Variants in ZNF502 observed in about 807,000 individuals in gnomAD.
The protein encoded by ZNF502 is zinc finger protein 502.
A neutral mutation model predicts 43.6 loss-of-function variants in ZNF502; 29 were observed. That is an observed-to-expected ratio of 0.67 (90% CI 0.50 to 0.91). The LOEUF is 0.91. Ranked by LOEUF, ZNF502 falls within the 40% of genes least tolerant of loss-of-function variation. The pLI, the probability that ZNF502 is intolerant of heterozygous loss-of-function variation, is 0.00. For synonymous variants in ZNF502, 171 were observed against 207.4 expected (o/e 0.82, Z 1.51); for missense variants, 591 against 647.2 (o/e 0.91, Z 0.94).
At chr3:44,716,481 C>T (rs368152561) in intron 1 of ZNF502, among the ~76,000 whole-genome samples, 80 of 152,288 alleles carry the variant, frequency 5.3e-4, no homozygotes, top group African/African-American at 1.8e-3. Context: ...TGAGCCACTG[C>T]GCCCAGCCGA....
In ZNF502 at chr3:44,716,759, G is replaced by A. The variant is rs184452796; in HGVS notation, c.-59-3444G>A. The stretch of plus-strand genomic sequence containing the variant: ...TGTAGCATTAAAGATAGATTTTCCA[G>A]TTTGATGTAAAAATTGATTCTTCAT... On this transcript the variant is annotated intron_variant, in intron 1 of 2. Coordinates refer to ENST00000436624, the MANE Select transcript of ZNF502 (RefSeq NM_001134442.3). 1.6e-4 allele frequency among the ~76,000 whole-genome samples: 25 copies of A among 152,242 alleles called. No homozygotes were observed. In the East Asian group the frequency reaches 4.1e-3, roughly 25 times the overall value.
rs1480522315 is a variant in ZNF502 at position 44,723,714 on chromosome 3, A to C, written c.*1262A>C. Reference sequence around the variant, plus strand: ...TTCATGTTCTTAACTGCTACCCAGAAATTGAGCTTCAGAAGATTGAGGATA... The same window carrying C: ...TTCATGTTCTTAACTGCTACCCAGACATTGAGCTTCAGAAGATTGAGGATA... On this transcript the variant is annotated 3_prime_UTR_variant, in exon 3 of 3. Transcript: ENST00000436624. 1 of 152,194 alleles carries C rather than the reference A, an allele frequency of 6.6e-6. No individual in the cohort carries two copies. Among genetic ancestry groups the C allele is most frequent in the Non-Finnish European group, 1.5e-5 (1 of 68,034 alleles). 9.4% of individuals were successfully genotyped at this position (152,194 alleles called of 1,614,324 possible).
At position 44,721,749 on chromosome 3, in the gene ZNF502, C is replaced by A. The variant is rs768289685; in HGVS notation, c.932C>A (p.Thr311Lys). 32 of 1,612,294 alleles carry A rather than the reference C, an allele frequency of 2.0e-5. No homozygotes were observed. The highest frequency in any genetic ancestry group is 2.6e-5 in the Non-Finnish European group (31 of 1,179,044). Reference sequence around the variant, plus strand: ...TCTTTTCGAAAACACTCAAATCTTACGCAACATCAGAGAATTCACACTGGG... The same window carrying A: ...TCTTTTCGAAAACACTCAAATCTTAAGCAACATCAGAGAATTCACACTGGG... ...GSSFRKHSNL[T>K]QHQRIHTGEK... The change falls in exon 3 of 3, where the codon ACG becomes AAG. Residue 311 changes from threonine to lysine, a missense_variant. By Grantham distance (78) the Thr-to-Lys change is moderately conservative. Transcript: ENST00000436624.
At chr3:44,719,530 C>T (rs776920207) in intron 1 of ZNF502, among the ~76,000 whole-genome samples, 1 of 152,200 alleles carries the variant, frequency 6.6e-6, no homozygotes, top group East Asian at 1.9e-4. Context: ...TAAGAAGCAG[C>T]ATTTACAGAA....
Position 44,720,196 on chromosome 3 carries a change from T to C in ZNF502, c.-59-7T>C, listed in dbSNP as rs1704271340. ...TCCCTCCCTGCACCTTTTCTCCCCA[T>C]GAGCAGGGTTCCCAGTTTTCCAGAC... On this transcript the variant is annotated splice_region_variant and splice_polypyrimidine_tract_variant and intron_variant, in intron 1 of 2. Transcript: ENST00000436624. 3.8e-6 allele frequency: 6 copies of C among 1,569,892 alleles called. No homozygotes were observed. The highest frequency in any genetic ancestry group is 3.3e-5 in the South Asian group (3 of 90,208).
At chr3:44,717,046 T>C (rs1704163530) in intron 1 of ZNF502, among the ~76,000 whole-genome samples, 1 of 152,226 alleles carries the variant, frequency 6.6e-6, no homozygotes, top group African/African-American at 2.4e-5. Context: ...TGTGGTCAGA[T>C]TTATCAATTT....
Position 44,722,379 on chromosome 3 carries a change from G to A in ZNF502, c.1562G>A (p.Cys521Tyr), listed in dbSNP as rs750396239. The A allele has an allele frequency of 1.2e-6, 2 of 1,614,236 alleles. No individual in the cohort carries two copies. Among genetic ancestry groups the A allele is most frequent in the Middle Eastern group, 1.7e-4 (1 of 6,060 alleles). The change falls in exon 3 of 3, where the codon TGT becomes TAT. Residue 521 changes from cysteine (C) to tyrosine (Y), a missense_variant. Physicochemically the swap from Cys to Tyr is radical, Grantham distance 194 (BLOSUM62 -2). Transcript: ENST00000436624. ...RIHTGEKPYE[C>Y]IECGKFFRHS... Reference sequence around the variant, plus strand: ...CACACTGGTGAGAAGCCTTATGAGTGTATTGAGTGTGGAAAGTTCTTCAGA... The same window carrying A: ...CACACTGGTGAGAAGCCTTATGAGTATATTGAGTGTGGAAAGTTCTTCAGA...
chr3:44,714,969 A>T (rs1704105748), intron 1 of ZNF502, among the ~76,000 whole-genome samples: 1 of 152,210 alleles, frequency 6.6e-6, no homozygotes, highest in South Asian at 2.1e-4. Context: ...TAGCCATTGG[A>T]TCTGGCATTT....
chr3:44,723,384 G>A lies in ZNF502; in HGVS notation c.*932G>A, dbSNP rs992870713. On this transcript the variant is annotated 3_prime_UTR_variant, in exon 3 of 3. Coordinates refer to ENST00000436624, the MANE Select transcript of ZNF502 (RefSeq NM_001134442.3). ...TGTCTATTGTAAGTTTGCCTAGGCT[G>A]TTGGTGTACAGAGACCAGAGGAGAG... is the stretch of plus-strand genomic sequence containing the variant. 2 of 152,248 alleles carry A rather than the reference G, an allele frequency of 1.3e-5. No homozygotes were observed. Among genetic ancestry groups the A allele is most frequent in the African/African-American group, 4.8e-5 (2 of 41,454 alleles). The allele number at this position is 152,248 out of a possible 1,614,324, so 9.4% of individuals were successfully genotyped here.
At position 44,720,201 on chromosome 3, in the gene ZNF502, AG is replaced by A; in HGVS notation, c.-58del. 6.3e-7 allele frequency: 1 copy of A among 1,587,156 alleles called. No individual in the cohort carries two copies. Among genetic ancestry groups the A allele is most frequent in the Non-Finnish European group, 8.7e-7 (1 of 1,155,514 alleles). ...CCCTGCACCTTTTCTCCCCATGAGC[AG>A]GGTTCCCAGTTTTCCAGACCTGAAG... On this transcript the variant is annotated splice_acceptor_variant, in intron 1 of 2. Coordinates refer to ENST00000436624, the MANE Select transcript of ZNF502 (RefSeq NM_001134442.3). LOFTEE classifies it low-confidence loss of function (5UTR_SPLICE).
chr3:44,715,068 T>C (rs1050897544), intron 1 of ZNF502, among the ~76,000 whole-genome samples: 1 of 152,246 alleles, frequency 6.6e-6, no homozygotes, highest in African/African-American at 2.4e-5. Context: ...AGTAAAAATA[T>C]AGAAGAGTAT....
chr3:44,719,040 C>G (rs1704228687), intron 1 of ZNF502, among the ~76,000 whole-genome samples: 1 of 150,108 alleles, frequency 6.7e-6, no homozygotes, highest in South Asian at 2.1e-4. Flanking sequence ...ATGGCGCAAT[C>G]TCAGCTTACT....
rs1704303572 is a variant in ZNF502, at chr3:44,720,952, C to G, written c.135C>G (p.Phe45Leu). ...IDSSGIVVKR[F>L]QEDEYQDSTF... is the part of the protein sequence containing the mutation. ...CATCAGGGATAGTAGTAAAGAGGTT[C>G]CAAGAGGATGAATACCAAGATTCTA... The change falls in exon 3 of 3, where the codon TTC (phenylalanine) becomes TTG (leucine). Residue 45 changes from phenylalanine (F) to leucine (L), a missense_variant. Coordinates refer to ENST00000436624, the MANE Select transcript of ZNF502 (RefSeq NM_001134442.3). 3.7e-6 allele frequency: 6 copies of G among 1,613,902 alleles called. No individual in the cohort carries two copies. Among genetic ancestry groups the G allele is most frequent in the South Asian group, 1.1e-5 (1 of 91,074 alleles).
At chr3:44,719,988 T>C (rs1704262064) in intron 1 of ZNF502, among the ~76,000 whole-genome samples, 1 of 152,232 alleles carries the variant, frequency 6.6e-6, no homozygotes, top group Non-Finnish European at 1.5e-5. Flanking sequence ...TATGTTAGTC[T>C]GATGTTACCA....
Position 44,720,204 on chromosome 3 carries a change from G to T in ZNF502, c.-58G>T. The T allele has an allele frequency of 2.5e-6, 4 of 1,595,938 alleles. No individual in the cohort carries two copies. Among genetic ancestry groups the T allele is most frequent in the Non-Finnish European group, 2.6e-6 (3 of 1,163,530 alleles). On this transcript the variant is annotated splice_region_variant and 5_prime_UTR_variant, in exon 2 of 3. Coordinates refer to ENST00000436624, the MANE Select transcript of ZNF502 (RefSeq NM_001134442.3). ...TGCACCTTTTCTCCCCATGAGCAGG[G>T]TTCCCAGTTTTCCAGACCTGAAGTG...
At chr3:44,713,868 C>T (rs1704082385) in intron 1 of ZNF502, among the ~76,000 whole-genome samples, 1 of 152,206 alleles carries the variant, frequency 6.6e-6, no homozygotes, top group Non-Finnish European at 1.5e-5. Context: ...GCGTGAAACA[C>T]CGCGCCAGGC....
At position 44,720,292 on chromosome 3, in the gene ZNF502, G is replaced by A. The variant is rs1425695947; in HGVS notation, c.31G>A (p.Asp11Asn). 1.2e-6 allele frequency: 2 copies of A among 1,614,156 alleles called. No homozygotes were observed. The highest frequency in any genetic ancestry group is 1.7e-6 in the Non-Finnish European group (2 of 1,180,010). The change falls in exon 2 of 3, where the codon GAC becomes AAC. Residue 11 changes from aspartate to asparagine, a missense_variant. Asp to Asn is a conservative substitution (Grantham distance 23, BLOSUM62 1). Coordinates refer to ENST00000436624, the MANE Select transcript of ZNF502 (RefSeq NM_001134442.3). MLNMQGAEER[D>N]IRRETCPGWV... ...GAATATGCAAGGAGCTGAAGAGAGA[G>A]ACATTAGAAGAGAGACTTGTCCAGG...
In ZNF502 at chr3:44,721,479, G is replaced by A. The variant is rs373983636; in HGVS notation, c.662G>A (p.Arg221Gln). The change falls in exon 3 of 3, where the codon CGA (arginine) becomes CAA (glutamine). Residue 221 changes from arginine to glutamine, a missense_variant. Physicochemically the swap from Arg to Gln is conservative, Grantham distance 43. Coordinates refer to ENST00000436624, the MANE Select transcript of ZNF502 (RefSeq NM_001134442.3). ...TGTGAGCAGTGTGGGAAAACATTTC[G>A]ATGTCGATCATTTCTTACTCAGCAT... The part of the protein sequence containing the change: ...YGCEQCGKTF[R>Q]CRSFLTQHQR... The A allele has an allele frequency of 3.0e-5, 48 of 1,614,174 alleles. No individual in the cohort carries two copies. The African/African-American group carries it at 3.6e-4, about 12-fold the overall frequency.
rs1209199037 is a variant in ZNF502, at chr3:44,721,032, T to C, written c.215T>C (p.Ile72Thr). The C allele has an allele frequency of 1.2e-6, 2 of 1,614,116 alleles. No homozygotes were observed. The highest frequency in any genetic ancestry group is 1.7e-6 in the Non-Finnish European group (2 of 1,179,990). Reference protein sequence around the residue: ...EGMKENSPREIAESCLFQEGG... With the variant: ...EGMKENSPRETAESCLFQEGG... ...ATGAAGGAAAACTCTCCTAGGGAGATTGCTGAATCATGCCTTTTCCAGGAA... is the reference window on the plus strand; with the variant it reads ...ATGAAGGAAAACTCTCCTAGGGAGACTGCTGAATCATGCCTTTTCCAGGAA... The change falls in exon 3 of 3, where the codon ATT becomes ACT. Residue 72 changes from isoleucine to threonine, a missense_variant. Physicochemically the swap from Ile to Thr is moderately conservative, Grantham distance 89 (BLOSUM62 -1). Transcript: ENST00000436624.
Sources: gnomAD v4.1 joint callset for allele counts (sites outside exome capture counted in the v4.1 genomes callset) on GRCh38, gnomAD v4.1.1 for gene constraint, MANE v1.5 for transcripts, NCBI Gene and HGNC (gene_info 2026-07-23, HGNC 2026-07-21) for gene names.